MRPL1: variants seen among roughly 807,000 people sequenced by gnomAD.
MRPL1 encodes mitochondrial ribosomal protein L1.
MRPL1 carries 28 observed loss-of-function variants against 38.0 expected under a neutral mutation model. The observed-to-expected ratio is 0.74, with a 90% CI of 0.55 to 1.01. The LOEUF (loss-of-function observed/expected upper bound fraction) is 1.01. MRPL1 is among the 50% of genes least tolerant of loss of function. The pLI, the probability that MRPL1 is intolerant of heterozygous loss-of-function variation, is 0.00. For missense variants in MRPL1, 358 were observed against 389.8 expected (o/e 0.92, Z 0.69); for synonymous variants, 123 against 126.7 (o/e 0.97, Z 0.20).
At chr4:77,930,565 A>G (rs1367593139) in intron 7 of MRPL1, among the ~76,000 whole-genome samples, 5 of 152,246 alleles carry the variant, frequency 3.3e-5, no homozygotes, top group African/African-American at 1.2e-4. Flanking sequence ...CACTGCAAAT[A>G]CAGATTAACA....
At chr4:77,873,970 G>A (rs1269669493) in intron 2 of MRPL1, among the ~76,000 whole-genome samples, 3 of 150,196 alleles carry the variant, frequency 2.0e-5, no homozygotes. Flanking sequence ...AAATGGTAGT[G>A]TACTATGTAC....
At chr4:77,873,109 G>A (rs1735321119) in intron 2 of MRPL1, among the ~76,000 whole-genome samples, 1 of 152,114 alleles carries the variant, frequency 6.6e-6, no homozygotes, top group African/African-American at 2.4e-5. Flanking sequence ...AGCAGGATCT[G>A]GTTTCTTGCC....
intron 7 of MRPL1, among the ~76,000 whole-genome samples, chr4:77,935,931 C>CAA (rs33923654): frequency 1.4e-3 from 170 of 121,584 alleles, no homozygotes; most frequent in Middle Eastern, 4.7e-3. Context: ...GACTATGTCT[C>CAA]AAAAAAAAAA....
In MRPL1 at chr4:77,952,474, C is replaced by T. The variant is rs1303005889; in HGVS notation, c.860-15C>T. The T allele has an allele frequency of 3.8e-6, 6 of 1,567,764 alleles. No individual in the cohort carries two copies. The highest frequency in any genetic ancestry group is 1.4e-5 in the African/African-American group (1 of 73,872). On this transcript the variant is annotated splice_polypyrimidine_tract_variant and intron_variant, in intron 8 of 8. Transcript: ENST00000315567. ...CGATATAAAAATCAAAGTTGATTCT[C>T]GTTTTTGTTTCCAGGTCCCTTTGTG...
intron 2 of MRPL1, among the ~76,000 whole-genome samples, chr4:77,878,628 C>T (rs934002625): frequency 6.6e-6 from 1 of 152,072 alleles, no homozygotes; most frequent in Non-Finnish European, 1.5e-5. Flanking sequence ...GTCTGTAATC[C>T]TAGCACTTTG....
intron 1 of MRPL1, among the ~76,000 whole-genome samples, chr4:77,869,692 C>T (rs1000787221): frequency 7.2e-5 from 11 of 151,974 alleles, no homozygotes; most frequent in Non-Finnish European, 8.8e-5. Context: ...CAGGTTCAAG[C>T]GATTCTTGTG....
At chr4:77,905,824 T>G (rs1206654795) in intron 6 of MRPL1, among the ~76,000 whole-genome samples, 1 of 152,244 alleles carries the variant, frequency 6.6e-6, no homozygotes, top group South Asian at 2.1e-4. Flanking sequence ...TCTTTCTGTC[T>G]TCATTACCAT....
chr4:77,917,237 T>A (rs1435131847), intron 7 of MRPL1, among the ~76,000 whole-genome samples: 1 of 152,168 alleles, frequency 6.6e-6, no homozygotes, highest in Non-Finnish European at 1.5e-5. Context: ...TGACTCCTTT[T>A]ACCATAGACC....
intron 6 of MRPL1, among the ~76,000 whole-genome samples, chr4:77,903,520 A>G (rs550541315): frequency 6.6e-6 from 1 of 152,312 alleles, no homozygotes; most frequent in East Asian, 1.9e-4. Flanking sequence ...GAAGAAATAA[A>G]TCTTTTTTTA....
chr4:77,880,495 CTTTT>C (rs200273544), intron 2 of MRPL1, among the ~76,000 whole-genome samples: 10 of 121,646 alleles, frequency 8.2e-5, no homozygotes, highest in East Asian at 2.4e-4. Flanking sequence ...TCTGCAAGGT[CTTTT>C]TTTTTTTTTT....
chr4:77,885,209 A>G (rs752736236), intron 3 of MRPL1, 47 bp from the exon 4 acceptor site: 5 of 1,384,006 alleles, frequency 3.6e-6, no homozygotes, highest in South Asian at 3.5e-5. Flanking sequence ...TGTGTGAAAT[A>G]GAAAAGATTA....
intron 6 of MRPL1, among the ~76,000 whole-genome samples, chr4:77,908,976 C>T (rs931640237): frequency 2.6e-5 from 4 of 152,200 alleles, no homozygotes; most frequent in African/African-American, 4.8e-5. Flanking sequence ...AGCATTGCAG[C>T]TTGTTTCTTC....
intron 7 of MRPL1, among the ~76,000 whole-genome samples, chr4:77,913,660 A>G (rs562394434): frequency 9.3e-4 from 141 of 152,308 alleles, no homozygotes; most frequent in African/African-American, 3.0e-3. Context: ...AGAAATGAAA[A>G]CATGTGTCCA....
chr4:77,888,079 T>C (rs934561802), intron 5 of MRPL1, among the ~76,000 whole-genome samples: 3 of 152,190 alleles, frequency 2.0e-5, no homozygotes, highest in Non-Finnish European at 4.4e-5. Flanking sequence ...CTTAGTAGAT[T>C]ATAAAGTATG....
intron 7 of MRPL1, among the ~76,000 whole-genome samples, chr4:77,937,232 G>A (rs1578062147): frequency 2.0e-5 from 3 of 152,128 alleles, no homozygotes; most frequent in South Asian, 4.2e-4. Flanking sequence ...TTAGACGCAC[G>A]CATACTAGAC....
intron 7 of MRPL1, among the ~76,000 whole-genome samples, chr4:77,939,270 A>G (rs1737063161): frequency 6.6e-6 from 1 of 152,052 alleles, no homozygotes; most frequent in Non-Finnish European, 1.5e-5. Flanking sequence ...TGTGGTTTTG[A>G]TGTGCATTTC....
intron 7 of MRPL1, among the ~76,000 whole-genome samples, chr4:77,919,005 G>A (rs1050906705): frequency 1.3e-5 from 2 of 152,162 alleles, no homozygotes; most frequent in African/African-American, 4.8e-5. Flanking sequence ...CGCTGGAATT[G>A]TTGGAATTTC....
At chr4:77,944,434 ATAC>A (rs1456975292) in intron 7 of MRPL1, among the ~76,000 whole-genome samples, 2 of 152,170 alleles carry the variant, frequency 1.3e-5, no homozygotes, top group East Asian at 3.9e-4. Context: ...CTCAGCTTAG[ATAC>A]TACCTTTTTT....
chr4:77,919,023 G>T (rs756889516), intron 7 of MRPL1, among the ~76,000 whole-genome samples: 4 of 152,170 alleles, frequency 2.6e-5, no homozygotes, highest in Non-Finnish European at 5.9e-5. Context: ...TTCACAAAAT[G>T]ACAGAATTAA....
Sources: gnomAD v4.1 joint callset for allele counts (sites outside exome capture counted in the v4.1 genomes callset) on GRCh38, gnomAD v4.1.1 for gene constraint, MANE v1.5 for transcripts, NCBI Gene and HGNC (gene_info 2026-07-23, HGNC 2026-07-21) for gene names.